The following SOAT1 variants were observed in gnomAD, a reference collection of about 807,000 sequenced individuals.
SOAT1 encodes acyl-coenzyme A:cholesterol acyltransferase 1.
A neutral mutation model predicts 69.5 loss-of-function variants in SOAT1; 55 were observed. That is an observed-to-expected ratio of 0.79 (90% CI 0.64 to 0.99). The LOEUF (loss-of-function observed/expected upper bound fraction) is 0.99, where lower values mean the gene tolerates loss of function less well. Among genes scored for constraint, SOAT1 ranks in the 50% least tolerant of loss-of-function variants. The pLI, the probability that SOAT1 is intolerant of heterozygous loss-of-function variation, is 0.00. For missense variants in SOAT1, 580 were observed against 669.3 expected (o/e 0.87, Z 1.47); for synonymous variants, 231 against 224.7 (o/e 1.03, Z -0.25).
At chr1:179,336,772 G>A (rs10913725) in intron 4 of SOAT1, among the ~76,000 whole-genome samples, 36,305 of 152,030 alleles carry the variant, frequency 0.24, 4,537 homozygotes, top group East Asian at 0.46. Context: ...CAAGGCAGGT[G>A]GATCACGAGG....
At chr1:179,314,271 T>G (rs1392467948) in intron 2 of SOAT1, among the ~76,000 whole-genome samples, 1 of 152,210 alleles carries the variant, frequency 6.6e-6, no homozygotes, top group Non-Finnish European at 1.5e-5. Context: ...ATGTATTGGG[T>G]CCTCAGTGGG....
Position 179,355,940 on chromosome 1 carries a change from A to G in SOAT1, c.*2299A>G, listed in dbSNP as rs990732327. On this transcript the variant is annotated 3_prime_UTR_variant, in exon 16 of 16. Transcript: ENST00000367619. ...ACTGTTCTAAGAAACTTTCAAAAAC[A>G]GTAGCACTTCAAGGAATGGTCACTT... is the stretch of plus-strand genomic sequence containing the variant. The G allele has an allele frequency of 1.1e-4, 16 of 152,252 alleles. No individual in the cohort carries two copies. Among genetic ancestry groups the G allele is most frequent in the African/African-American group, 3.4e-4 (14 of 41,468 alleles). The allele number at this position is 152,252 out of a possible 1,614,324, so 9.4% of individuals were successfully genotyped here.
intron 2 of SOAT1, among the ~76,000 whole-genome samples, chr1:179,312,281 A>G (rs1274253184): frequency 6.6e-6 from 1 of 152,142 alleles, no homozygotes; most frequent in Non-Finnish European, 1.5e-5. Flanking sequence ...ATAGCGGGTA[A>G]TTTCTGGAGT....
rs1571449594 is a variant in SOAT1 at position 179,342,301 on chromosome 1, C to A, written c.859+109C>A. 7.7e-6 allele frequency: 5 copies of A among 647,346 alleles called. No homozygotes were observed. The East Asian group carries it at 1.4e-4, about 18-fold the overall frequency. The allele number at this position is 647,346 out of a possible 1,614,324, so 40.1% of individuals were successfully genotyped here. On this transcript the variant is annotated intron_variant, in intron 8 of 15. Transcript: ENST00000367619. ...TTTCCTTCTTTCCTTCCCTCCCTCC[C>A]TCTCTCTTTTTCTCTTTCTCTTTCT...
chr1:179,350,467 A>G, intron 14 of SOAT1, 36 bp downstream of exon 14: 1 of 1,577,888 alleles, frequency 6.3e-7, no homozygotes, highest in Non-Finnish European at 8.6e-7. Flanking sequence ...ACTGGGTACT[A>G]TGCTAAAAAA....
At chr1:179,343,046 A>G (rs991592085) in intron 9 of SOAT1, 103 bp downstream of exon 9, 11 of 855,130 alleles carry the variant, frequency 1.3e-5, no homozygotes, top group Admixed American at 1.9e-5. Flanking sequence ...CATAGAAAAT[A>G]TAGAATGAGT....
intron 3 of SOAT1, among the ~76,000 whole-genome samples, chr1:179,334,973 C>T (rs554380915): frequency 7.1e-6 from 1 of 140,718 alleles, no homozygotes; most frequent in South Asian, 2.2e-4. Flanking sequence ...CGAGATCGTG[C>T]CATTGCACTC....
Position 179,348,875 on chromosome 1 carries a change from AT to A in SOAT1, c.1249del (p.Tyr417IlefsTer34), listed in dbSNP as rs772600978. ...TGGAACTCCACGTCATACTCCAACT[AT>A]TATAGAACCTGGAATGTGGTGGTCC... is the stretch of plus-strand genomic sequence containing the variant. ...DWWNSTSYSN[Y>X]YRTWNVVVHD... On this transcript the variant is annotated frameshift_variant, in exon 13 of 16. Coordinates refer to ENST00000367619, the MANE Select transcript of SOAT1 (RefSeq NM_003101.6). LOFTEE classifies it high-confidence loss of function. 1 of 1,611,042 alleles carries A rather than the reference AT, an allele frequency of 6.2e-7. No individual in the cohort carries two copies. The highest frequency in any genetic ancestry group is 1.1e-5 in the South Asian group (1 of 91,012).
rs768502191 is a variant in SOAT1, at chr1:179,332,776, TAGAAGTC to T, written c.178-2724_178-2718del. Among the ~76,000 whole-genome samples the T allele has an allele frequency of 1.6e-4, 25 of 152,354 alleles. No individual in the cohort carries two copies. In the South Asian group the frequency reaches 2.5e-3, roughly 15 times the overall value. ...GTTCTAATTAACAAGTTTCATGTGA[TAGAAGTC>T]AGAAGGCAGAAGTGGACTGTTTCTT... On this transcript the variant is annotated intron_variant, in intron 3 of 15. Coordinates refer to ENST00000367619, the MANE Select transcript of SOAT1 (RefSeq NM_003101.6).
chr1:179,344,540 A>G (rs1260791528), intron 10 of SOAT1, among the ~76,000 whole-genome samples: 1 of 151,684 alleles, frequency 6.6e-6, no homozygotes, highest in Non-Finnish European at 1.5e-5. Flanking sequence ...GCGCCTGGCT[A>G]ATTTTTGTAT....
At chr1:179,321,802 T>G (rs1329023753) in intron 2 of SOAT1, among the ~76,000 whole-genome samples, 2 of 152,250 alleles carry the variant, frequency 1.3e-5, no homozygotes, top group Non-Finnish European at 2.9e-5. Context: ...AATTTTTTTT[T>G]GTTTTGAGAA....
intron 2 of SOAT1, among the ~76,000 whole-genome samples, chr1:179,318,057 T>C (rs751745785): frequency 4.6e-5 from 7 of 151,778 alleles, no homozygotes; most frequent in Non-Finnish European, 7.4e-5. Flanking sequence ...TAGCTGGGTG[T>C]GGTGGCACAC....
chr1:179,309,467 G>A (rs139258506), intron 2 of SOAT1, among the ~76,000 whole-genome samples: 2,350 of 152,252 alleles, frequency 0.015, 30 homozygotes, highest in Middle Eastern at 0.061. Flanking sequence ...TTTAAAAAAT[G>A]TTATGCCAAT....
At chr1:179,324,564 A>G (rs1665712783) in intron 3 of SOAT1, among the ~76,000 whole-genome samples, 1 of 152,080 alleles carries the variant, frequency 6.6e-6, no homozygotes. Context: ...GTGGGTATAG[A>G]CTCCTAGTTA....
intron 2 of SOAT1, among the ~76,000 whole-genome samples, chr1:179,306,357 A>G (rs1046133703): frequency 6.6e-6 from 1 of 152,188 alleles, no homozygotes; most frequent in South Asian, 2.1e-4. Context: ...AAGTCAAAGG[A>G]CTTGATATGA....
At chr1:179,325,625 G>A (rs1042263215) in intron 3 of SOAT1, among the ~76,000 whole-genome samples, 4 of 152,040 alleles carry the variant, frequency 2.6e-5, no homozygotes, top group Admixed American at 6.6e-5. Flanking sequence ...ATTTGTGAGG[G>A]CAAGTTTCAA....
chr1:179,330,567 A>G (rs761852413), intron 3 of SOAT1, among the ~76,000 whole-genome samples: 17 of 152,264 alleles, frequency 1.1e-4, no homozygotes, highest in East Asian at 1.9e-4. Context: ...AAGGGGGTCA[A>G]TTTTGGGGAG....
In SOAT1 at chr1:179,324,116, C is replaced by A. The variant is rs146765270; in HGVS notation, c.177+621C>A. 5.8e-3 allele frequency among the ~76,000 whole-genome samples: 877 copies of A among 152,224 alleles called. 13 individuals are homozygous for A. Among genetic ancestry groups the A allele is most frequent in the African/African-American group, 0.02 (844 of 41,530 alleles). On this transcript the variant is annotated intron_variant, in intron 3 of 15. Transcript: ENST00000367619. ...TTGGCCAGTTTGACTATATAAACAT[C>A]CGGTGATGAAGATGAAGTAGCCCTG...
intron 2 of SOAT1, among the ~76,000 whole-genome samples, chr1:179,316,569 A>G (rs1240335353): frequency 6.6e-6 from 1 of 151,818 alleles, no homozygotes; most frequent in East Asian, 1.9e-4. Context: ...CTAATTTTGT[A>G]TTTTTAGTAG....
Sources: gnomAD v4.1 joint callset for allele counts (sites outside exome capture counted in the v4.1 genomes callset) on GRCh38, gnomAD v4.1.1 for gene constraint, MANE v1.5 for transcripts, NCBI Gene and HGNC (gene_info 2026-07-23, HGNC 2026-07-21) for gene names.